The following GPC5 variants were observed in gnomAD, a reference collection of about 807,000 sequenced individuals.
GPC5 encodes glypican-5.
A neutral mutation model predicts 53.9 loss-of-function variants in GPC5; 47 were observed. That is an observed-to-expected ratio of 0.87 (90% CI 0.69 to 1.11). The LOEUF (loss-of-function observed/expected upper bound fraction) is 1.11. Ranked by LOEUF, GPC5 falls within the 50% of genes most tolerant of loss-of-function variation. The probability of loss-of-function intolerance (pLI) is 0.00; values close to 1 mark genes in which losing one functional copy is unlikely to be tolerated. For synonymous variants in GPC5, 286 were observed against 263.3 expected, an observed-to-expected ratio of 1.09 and a Z score of -0.84; for missense variants, 748 against 713.1, an observed-to-expected ratio of 1.05 and a Z score of -0.56.
chr13:91,827,221 A>G (rs2038589204), intron 5 of GPC5, among the ~76,000 whole-genome samples: 1 of 152,008 alleles, frequency 6.6e-6, no homozygotes, highest in South Asian at 2.1e-4. Context: ...GTATCAATAG[A>G]AATTATTTAA....
At chr13:91,561,732 T>C (rs2031272886) in intron 2 of GPC5, among the ~76,000 whole-genome samples, 1 of 152,082 alleles carries the variant, frequency 6.6e-6, no homozygotes, top group Non-Finnish European at 1.5e-5. Context: ...TAACTGTGAA[T>C]TATTGTAAAT....
At chr13:91,969,495 A>G (rs2040220593) in intron 6 of GPC5, among the ~76,000 whole-genome samples, 1 of 152,182 alleles carries the variant, frequency 6.6e-6, no homozygotes, top group Non-Finnish European at 1.5e-5. Flanking sequence ...CACTAAGAGC[A>G]CAGATGAAAA....
chr13:92,648,679 T>G (rs1351298380), intron 7 of GPC5, among the ~76,000 whole-genome samples: 1 of 152,298 alleles, frequency 6.6e-6, no homozygotes, highest in East Asian at 1.9e-4. Context: ...CAGTCTTTAA[T>G]ATATTTAATA....
chr13:92,081,503 A>T (rs2041295156), intron 6 of GPC5, among the ~76,000 whole-genome samples: 1 of 152,028 alleles, frequency 6.6e-6, no homozygotes, highest in Admixed American at 6.5e-5. Context: ...TAGGAAGATC[A>T]GATTTTTTTT....
intron 2 of GPC5, among the ~76,000 whole-genome samples, chr13:91,543,400 T>G (rs1450011910): frequency 1.3e-5 from 2 of 152,230 alleles, no homozygotes; most frequent in Non-Finnish European, 2.9e-5. Flanking sequence ...AAGTATTTAT[T>G]TATTATGAAT....
At chr13:92,552,492 A>G (rs981515632) in intron 7 of GPC5, among the ~76,000 whole-genome samples, 2 of 151,968 alleles carry the variant, frequency 1.3e-5, no homozygotes, top group Non-Finnish European at 2.9e-5. Context: ...GATAAATGGA[A>G]AAAAATAGCT....
At chr13:92,052,404 G>T (rs1245119813) in intron 6 of GPC5, among the ~76,000 whole-genome samples, 1 of 152,158 alleles carries the variant, frequency 6.6e-6, no homozygotes, top group Non-Finnish European at 1.5e-5. Context: ...AAGAGCGAAA[G>T]AACAAAGTGT....
chr13:91,701,488 A>T (rs1054316450), intron 3 of GPC5, among the ~76,000 whole-genome samples: 11 of 151,962 alleles, frequency 7.2e-5, no homozygotes, highest in Non-Finnish European at 7.4e-5. Context: ...TTCCTTCTAG[A>T]TTCGTGCATG....
chr13:92,647,857 A>T (rs1566340966), intron 7 of GPC5, among the ~76,000 whole-genome samples: 1 of 152,068 alleles, frequency 6.6e-6, no homozygotes, highest in Non-Finnish European at 1.5e-5. Flanking sequence ...ATATTTATTG[A>T]ATGTGTCTGT....
At chr13:91,583,186 C>T (rs140664812) in intron 2 of GPC5, among the ~76,000 whole-genome samples, 2 of 151,914 alleles carry the variant, frequency 1.3e-5, no homozygotes, top group African/African-American at 4.8e-5. Flanking sequence ...ATCACCACTT[C>T]TATTCAAATG....
chr13:92,757,574 C>G (rs968011353), intron 7 of GPC5, among the ~76,000 whole-genome samples: 2 of 152,090 alleles, frequency 1.3e-5, no homozygotes, highest in Admixed American at 1.3e-4. Flanking sequence ...ATTTTTGCAT[C>G]CTACTCATCT....
At chr13:92,008,261 A>C (rs1236937043) in intron 6 of GPC5, among the ~76,000 whole-genome samples, 1 of 151,794 alleles carries the variant, frequency 6.6e-6, no homozygotes, top group Non-Finnish European at 1.5e-5. Flanking sequence ...ACGGGGTTTC[A>C]CCGTGTTAGC....
intron 2 of GPC5, among the ~76,000 whole-genome samples, chr13:91,590,760 TC>T: frequency 6.6e-6 from 1 of 152,308 alleles, no homozygotes; most frequent in South Asian, 2.1e-4. Flanking sequence ...TTTTACTCAT[TC>T]CCTCTTTTTC....
At chr13:92,111,400 G>C (rs1035105771) in intron 6 of GPC5, among the ~76,000 whole-genome samples, 1 of 152,110 alleles carries the variant, frequency 6.6e-6, no homozygotes, top group Non-Finnish European at 1.5e-5. Context: ...TCTCTCTGTA[G>C]GTACCAGAAA....
intron 7 of GPC5, among the ~76,000 whole-genome samples, chr13:92,346,693 C>T (rs2043415806): frequency 6.6e-6 from 1 of 152,046 alleles, no homozygotes; most frequent in Non-Finnish European, 1.5e-5. Context: ...AATAAAGCTC[C>T]AATAATGGGC....
chr13:92,552,135 G>A (rs1311416577), intron 7 of GPC5, among the ~76,000 whole-genome samples: 1 of 151,858 alleles, frequency 6.6e-6, no homozygotes, highest in East Asian at 1.9e-4. Context: ...CAAAACCATC[G>A]TGGAAATACT....
intron 7 of GPC5, among the ~76,000 whole-genome samples, chr13:92,552,037 C>T (rs1882336132): frequency 6.6e-6 from 1 of 151,868 alleles, no homozygotes; most frequent in South Asian, 2.1e-4. Context: ...AATGAGAAAT[C>T]TCCAAAAAGC....
At chr13:91,441,861 T>C (rs1880459577) in intron 1 of GPC5, among the ~76,000 whole-genome samples, 1 of 152,186 alleles carries the variant, frequency 6.6e-6, no homozygotes, top group African/African-American at 2.4e-5. Context: ...CCTGTTTTCA[T>C]CTGGTGAGCA....
At chr13:92,611,181 A>T (rs1421807408) in intron 7 of GPC5, among the ~76,000 whole-genome samples, 7 of 152,164 alleles carry the variant, frequency 4.6e-5, no homozygotes, top group Admixed American at 1.3e-4. Context: ...TTTAATTCTT[A>T]TAAACCAGGT....
Sources: gnomAD v4.1 joint callset for allele counts (sites outside exome capture counted in the v4.1 genomes callset) on GRCh38, gnomAD v4.1.1 for gene constraint, MANE v1.5 for transcripts, NCBI Gene and HGNC (gene_info 2026-07-23, HGNC 2026-07-21) for gene names.